AFF3: variants seen among roughly 807,000 people sequenced by gnomAD.
AFF3 encodes ALF transcription elongation factor 3.
In AFF3, 32 loss-of-function variants were observed where a neutral mutation model predicts 129.7. The observed-to-expected ratio is 0.25, with a 90% CI of 0.19 to 0.33. AFF3 has a LOEUF of 0.33. Among genes scored for constraint, AFF3 ranks in the 10% least tolerant of loss-of-function variants. The pLI is 1.00. For missense variants in AFF3, 1,373 were observed against 1,592.0 expected (o/e 0.86, Z 2.34); for synonymous variants, 644 against 635.4 (o/e 1.01, Z -0.20).
At chr2:99,979,695 G>C (rs1016775741) in intron 7 of AFF3, among the ~76,000 whole-genome samples, 4 of 152,026 alleles carry the variant, frequency 2.6e-5, no homozygotes, top group Non-Finnish European at 4.4e-5. Flanking sequence ...TGTTGGCCAG[G>C]CTGTCTCAAA....
chr2:99,926,647 G>A (rs1696261157), intron 7 of AFF3, among the ~76,000 whole-genome samples: 1 of 152,022 alleles, frequency 6.6e-6, no homozygotes, highest in African/African-American at 2.4e-5. Context: ...ATGGTTCTGT[G>A]GAACAAGCAA....
chr2:100,132,744 C>A (rs923177332), intron 1 of AFF3, among the ~76,000 whole-genome samples: 2 of 151,728 alleles, frequency 1.3e-5, no homozygotes, highest in Non-Finnish European at 2.9e-5. Context: ...ACTTAGTACT[C>A]AAAAAAATGT....
intron 11 of AFF3, among the ~76,000 whole-genome samples, chr2:99,680,919 G>A (rs1674464980): frequency 6.6e-6 from 1 of 152,208 alleles, no homozygotes; most frequent in African/African-American, 2.4e-5. Context: ...CACATTACCT[G>A]AGGATGGCAT....
At chr2:99,681,519 T>A (rs760606729) in intron 11 of AFF3, among the ~76,000 whole-genome samples, 6 of 152,198 alleles carry the variant, frequency 3.9e-5, no homozygotes, top group Non-Finnish European at 7.3e-5. Context: ...ACCTTAAATG[T>A]GATAGTATTC....
chr2:100,139,628 A>G (rs992589469), intron 1 of AFF3, among the ~76,000 whole-genome samples: 1 of 152,220 alleles, frequency 6.6e-6, no homozygotes, highest in Non-Finnish European at 1.5e-5. Context: ...TTGTATTTTA[A>G]TGATGAGAAC....
At chr2:99,785,364 G>C (rs1334600690) in intron 8 of AFF3, among the ~76,000 whole-genome samples, 1 of 152,206 alleles carries the variant, frequency 6.6e-6, no homozygotes, top group Non-Finnish European at 1.5e-5. Flanking sequence ...TAGCACAGAA[G>C]TGGCTTCTAC....
chr2:99,846,698 G>A (rs1212528891), intron 7 of AFF3, among the ~76,000 whole-genome samples: 2 of 152,198 alleles, frequency 1.3e-5, no homozygotes, highest in African/African-American at 4.8e-5. Flanking sequence ...GCCATGAATG[G>A]AAATGACCAT....
At chr2:99,651,173 CAAAAA>C (rs113457105) in intron 12 of AFF3, among the ~76,000 whole-genome samples, 7 of 122,006 alleles carry the variant, frequency 5.7e-5, no homozygotes, top group Admixed American at 8.1e-5. Flanking sequence ...AAGTCTGTCT[CAAAAA>C]AAAAAAAAAA....
intron 1 of AFF3, among the ~76,000 whole-genome samples, chr2:100,138,747 C>A (rs1692731931): frequency 6.6e-6 from 1 of 152,002 alleles, no homozygotes; most frequent in Non-Finnish European, 1.5e-5. Context: ...GAGTTCGAGA[C>A]AAGCCTGGCC....
chr2:99,749,655 G>A (rs1681465147), intron 9 of AFF3, among the ~76,000 whole-genome samples: 2 of 152,162 alleles, frequency 1.3e-5, no homozygotes, highest in South Asian at 4.1e-4. Flanking sequence ...GTACTCAATG[G>A]AAGGGCTAGA....
chr2:100,110,672 G>A (rs1691483089), intron 2 of AFF3, among the ~76,000 whole-genome samples: 2 of 152,130 alleles, frequency 1.3e-5, no homozygotes, highest in Non-Finnish European at 2.9e-5. Flanking sequence ...GTCCTGCTGG[G>A]GGTCCCCAAG....
intron 11 of AFF3, among the ~76,000 whole-genome samples, chr2:99,676,169 C>G (rs1205322636): frequency 6.6e-6 from 1 of 152,082 alleles, no homozygotes; most frequent in Non-Finnish European, 1.5e-5. Context: ...TGATGGGGCC[C>G]CCAACCAGGG....
chr2:99,751,052 A>G (rs543805390), intron 9 of AFF3, among the ~76,000 whole-genome samples: 1 of 152,330 alleles, frequency 6.6e-6, no homozygotes, highest in South Asian at 2.1e-4. Context: ...AATTCTTTCA[A>G]TAATTCACCT....
At chr2:99,826,550 C>T (rs147812944) in intron 8 of AFF3, among the ~76,000 whole-genome samples, 19 of 152,186 alleles carry the variant, frequency 1.2e-4, no homozygotes, top group Admixed American at 2.6e-4. Context: ...ATGCAGGAGT[C>T]GGTCAGCTAA....
At chr2:99,601,268 G>C (rs1364048874) in intron 14 of AFF3, among the ~76,000 whole-genome samples, 167 bp downstream of exon 14, 3 of 152,220 alleles carry the variant, frequency 2.0e-5, no homozygotes, top group Admixed American at 2.0e-4. Context: ...GTGAGGAGGG[G>C]GAAAATGTGG....
At chr2:99,926,574 T>G (rs1463132136) in intron 7 of AFF3, among the ~76,000 whole-genome samples, 1 of 152,092 alleles carries the variant, frequency 6.6e-6, no homozygotes, top group East Asian at 1.9e-4. Context: ...TTGTGAGAGA[T>G]TTAGGGAGCC....
Position 99,634,964 on chromosome 2 carries a change from TACAC to T in AFF3, c.1184+14658_1184+14661del, listed in dbSNP as rs201362666. 8.1e-3 allele frequency among the ~76,000 whole-genome samples: 1,116 copies of T among 137,746 alleles called. 7 individuals carry two copies. Among genetic ancestry groups the T allele is most frequent in the Admixed American group, 9.9e-3 (135 of 13,618 alleles). The allele number at this position is 137,746 out of a possible 152,430, so 90.4% of individuals were successfully genotyped here. Reference sequence around the variant, plus strand: ...CTTGAGGCAGAGCTGGATTCTGTCATACACACACACACACACACACACACACACA... The same window carrying T: ...CTTGAGGCAGAGCTGGATTCTGTCATACACACACACACACACACACACACA... On this transcript the variant is annotated intron_variant, in intron 13 of 24. Coordinates refer to ENST00000672756, the MANE Select transcript of AFF3 (RefSeq NM_001386135.1).
At position 99,857,764 on chromosome 2, in the gene AFF3, G is replaced by A. The variant is rs576391177; in HGVS notation, c.874-20240C>T. On this transcript the variant is annotated intron_variant, in intron 7 of 24. Transcript: ENST00000672756. ...TTTATATTCTTCCAAAGTACTTTGT[G>A]TCTCCATTGTCACATTTTTCCTTGA... is the stretch of plus-strand genomic sequence containing the variant. Among the ~76,000 whole-genome samples, 3 of 152,226 alleles carry A rather than the reference G, an allele frequency of 2.0e-5. No homozygotes were observed. The South Asian group carries it at 6.2e-4, about 32-fold the overall frequency.
intron 7 of AFF3, among the ~76,000 whole-genome samples, chr2:99,958,707 C>T (rs1466150056): frequency 1.3e-5 from 2 of 151,980 alleles, no homozygotes; most frequent in Admixed American, 6.6e-5. Flanking sequence ...TGAGGAAACA[C>T]ACAGTATTAT....
Sources: allele counts gnomAD v4.1 joint callset (sites outside exome capture counted in the v4.1 genomes callset), GRCh38; gene constraint gnomAD v4.1.1; transcripts MANE v1.5; gene names NCBI Gene and HGNC (gene_info 2026-07-23, HGNC 2026-07-21).